The following PGR variants were observed in gnomAD, a reference collection of about 807,000 sequenced individuals.
PGR encodes nuclear receptor subfamily 3 group C member 3.
In PGR, 25 loss-of-function variants were observed where a neutral mutation model predicts 76.1. The observed-to-expected ratio is 0.33, with a 90% CI of 0.24 to 0.46. The LOEUF (loss-of-function observed/expected upper bound fraction) is 0.46. Among genes scored for constraint, PGR ranks in the 20% least tolerant of loss-of-function variants. PGR has a pLI of 1.00. For missense variants in PGR, 1,172 were observed against 1,225.3 expected (o/e 0.96, Z 0.65); for synonymous variants, 579 against 535.0 (o/e 1.08, Z -1.14).
At chr11:101,123,921 G>A (rs1223233024) in intron 2 of PGR, among the ~76,000 whole-genome samples, 1 of 152,102 alleles carries the variant, frequency 6.6e-6, no homozygotes, top group Non-Finnish European at 1.5e-5. Context: ...AATATGTCAG[G>A]CCTTCTTTTA....
chr11:101,126,207 T>C, intron 1 of PGR, 49 bp from the exon 2 acceptor site: 4 of 1,571,714 alleles, frequency 2.5e-6, no homozygotes, highest in Non-Finnish European at 3.5e-6. Flanking sequence ...TGCACCACTA[T>C]CTAATACTAA....
chr11:101,085,607 C>A (rs927224797), intron 3 of PGR, among the ~76,000 whole-genome samples: 1 of 141,320 alleles, frequency 7.1e-6, no homozygotes, highest in Non-Finnish European at 1.5e-5. Context: ...AAGAGCAGAA[C>A]CAAATGAAAT....
rs184666750 is a variant in PGR, at chr11:101,064,408, G to A, written c.1907-1656C>T. ...AGTTGAGCTAAAACTTGTAGGAGAT[G>A]GGAAAACAAAACAATTGCCATGGTT... is the stretch of plus-strand genomic sequence containing the variant. On this transcript the variant is annotated intron_variant, in intron 3 of 7. Transcript: ENST00000325455. 9.9e-3 allele frequency among the ~76,000 whole-genome samples: 1,404 copies of A among 141,372 alleles called. 11 individuals carry two copies. The highest frequency in any genetic ancestry group is 0.016 in the Non-Finnish European group (1,028 of 65,906). The allele number at this position is 141,372 out of a possible 152,430, so 92.7% of individuals were successfully genotyped here.
At chr11:101,054,287 TCCTGGTTTA>T (rs1157096966) in intron 4 of PGR, among the ~76,000 whole-genome samples, 2 of 152,174 alleles carry the variant, frequency 1.3e-5, no homozygotes, top group Admixed American at 1.3e-4. Flanking sequence ...CATCCAAGAA[TCCTGGTTTA>T]CTCAGGTGCA....
intron 2 of PGR, among the ~76,000 whole-genome samples, chr11:101,122,798 C>T (rs1591434268): frequency 6.6e-6 from 1 of 152,138 alleles, no homozygotes; most frequent in East Asian, 1.9e-4. Context: ...CCTCCCTCTC[C>T]TAACATGGGA....
intron 2 of PGR, among the ~76,000 whole-genome samples, chr11:101,104,680 G>A (rs1862095699): frequency 6.6e-6 from 1 of 152,134 alleles, no homozygotes; most frequent in South Asian, 2.1e-4. Flanking sequence ...ATCTCATCCA[G>A]CTATGCTTTT....
intron 1 of PGR, 108 bp downstream of exon 1, chr11:101,127,326 G>T: frequency 1.2e-6 from 1 of 806,732 alleles, no homozygotes; most frequent in South Asian, 2.3e-5. Flanking sequence ...CGGCCGCCCC[G>T]GGGAGCGCAG....
rs141743518 is a variant in PGR at position 101,062,677 on chromosome 11, C to T, written c.1982G>A (p.Gly661Asp). The change falls in exon 4 of 8, where the codon GGC becomes GAC. Residue 661 changes from glycine to aspartate, a missense_variant. Transcript: ENST00000325455. ...TAGGGCTTGGCTTTCATTTGGAACG[C>T]CCACTGGCTGTGGGAGAGCAACAGC... ...LDAVALPQPVGVPNESQALSQ... is the reference protein window; with the variant it reads ...LDAVALPQPVDVPNESQALSQ... 36 of 1,613,780 alleles carry T rather than the reference C, an allele frequency of 2.2e-5. No individual in the cohort carries two copies. Among genetic ancestry groups the T allele is most frequent in the Non-Finnish European group, 2.9e-5 (34 of 1,179,908 alleles).
intron 3 of PGR, among the ~76,000 whole-genome samples, chr11:101,070,429 G>GT (rs1352679835): frequency 3.3e-5 from 5 of 152,048 alleles, no homozygotes; most frequent in Admixed American, 2.6e-4. Flanking sequence ...AGCTGCAGGA[G>GT]TTTTTTTTCA....
chr11:101,125,806 T>C (rs964213107), intron 2 of PGR, among the ~76,000 whole-genome samples: 1 of 152,180 alleles, frequency 6.6e-6, no homozygotes, highest in African/African-American at 2.4e-5. Context: ...TCAAAGAGTA[T>C]GCAATTATAG....
intron 7 of PGR, among the ~76,000 whole-genome samples, chr11:101,040,398 T>C (rs968130374): frequency 6.6e-6 from 1 of 152,046 alleles, no homozygotes; most frequent in Non-Finnish European, 1.5e-5. Flanking sequence ...CTTAATCCCA[T>C]GTTTTGTTAT....
Position 101,033,785 on chromosome 11 carries a change from A to C in PGR, c.*5331T>G, listed in dbSNP as rs1859424650. On this transcript the variant is annotated 3_prime_UTR_variant, in exon 8 of 8. Transcript: ENST00000325455. ...ATAACAGTAAAAATGCAGATTAGTA[A>C]ACGTCATAGACAAAGAGATCAGAAA... 2 of 207,560 alleles carry C rather than the reference A, an allele frequency of 9.6e-6. No homozygotes were observed. Among genetic ancestry groups the C allele is most frequent in the East Asian group, 1.5e-4 (2 of 13,596 alleles). The allele number at this position is 207,560 out of a possible 1,614,324, so 12.9% of individuals were successfully genotyped here.
intron 6 of PGR, among the ~76,000 whole-genome samples, chr11:101,042,550 C>A (rs936268): frequency 0.037 from 5,574 of 152,018 alleles, 285 homozygotes; most frequent in African/African-American, 0.12. Context: ...CAAGTATTTG[C>A]CATTAAGATT....
At chr11:101,121,208 A>T (rs143224766) in intron 2 of PGR, among the ~76,000 whole-genome samples, 1 of 152,364 alleles carries the variant, frequency 6.6e-6, no homozygotes, top group African/African-American at 2.4e-5. Flanking sequence ...GCTATAGAGC[A>T]GACTCTATTG....
intron 4 of PGR, among the ~76,000 whole-genome samples, chr11:101,056,797 T>A (rs953917878): frequency 3.3e-5 from 5 of 152,148 alleles, no homozygotes; most frequent in Non-Finnish European, 7.3e-5. Context: ...GCATTAAATA[T>A]CTCAGCACCT....
intron 3 of PGR, among the ~76,000 whole-genome samples, chr11:101,064,341 A>C (rs796484066): frequency 4.3e-4 from 57 of 132,876 alleles, no homozygotes; most frequent in East Asian, 3.1e-3. Flanking sequence ...CAAAAAAAAA[A>C]AAAAAAAAAA....
At chr11:101,121,429 A>G (rs2135502411) in intron 2 of PGR, among the ~76,000 whole-genome samples, 1 of 152,362 alleles carries the variant, frequency 6.6e-6, no homozygotes, top group East Asian at 1.9e-4. Context: ...TCTCTTTCTG[A>G]TGCTGTATCA....
Position 101,035,820 on chromosome 11 carries a change from G to A in PGR, c.*3296C>T, listed in dbSNP as rs1859491768. ...TCAACCAAATATATCATAGCACATG[G>A]TGACATAAATAAAACAGTGAGACTT... On this transcript the variant is annotated 3_prime_UTR_variant, in exon 8 of 8. Transcript: ENST00000325455. 4.3e-6 allele frequency: 1 copy of A among 230,946 alleles called. No individual in the cohort carries two copies. The highest frequency in any genetic ancestry group is 2.2e-5 in the African/African-American group (1 of 45,180). 14.3% of individuals were successfully genotyped at this position (230,946 alleles called of 1,614,324 possible). A position where few individuals can be genotyped will look rare whatever the true frequency, so the allele number is the denominator to read the frequency against.
At chr11:101,053,841 T>C (rs1410502866) in intron 4 of PGR, among the ~76,000 whole-genome samples, 1 of 151,944 alleles carries the variant, frequency 6.6e-6, no homozygotes, top group East Asian at 1.9e-4. Context: ...TTTCTCTGTG[T>C]GGGCAGAGTT....
Sources: gnomAD v4.1 joint callset for allele counts (sites outside exome capture counted in the v4.1 genomes callset) on GRCh38, gnomAD v4.1.1 for gene constraint, MANE v1.5 for transcripts, NCBI Gene and HGNC (gene_info 2026-07-23, HGNC 2026-07-21) for gene names.